Variants in SUSD6 observed in about 807,000 individuals in gnomAD.
The protein encoded by SUSD6 is sushi domain-containing protein 6.
SUSD6 carries 16 observed loss-of-function variants against 28.4 expected under a neutral mutation model. That is an observed-to-expected ratio of 0.56 (90% CI 0.38 to 0.86). The LOEUF is 0.86. SUSD6 is among the 40% of genes least tolerant of loss of function. The pLI is 0.00. For missense variants in SUSD6, 341 were observed against 384.2 expected, an observed-to-expected ratio of 0.89 and a Z score of 0.94; for synonymous variants, 147 against 159.6, an observed-to-expected ratio of 0.92 and a Z score of 0.59.
rs1332128546 is a variant in SUSD6 at position 69,623,788 on chromosome 14, AT to A, written c.-81+11966del. Among the ~76,000 whole-genome samples, 3 of 152,224 alleles carry A rather than the reference AT, an allele frequency of 2.0e-5. No individual in the cohort carries two copies. In the East Asian group the frequency reaches 5.8e-4, roughly 29 times the overall value. On this transcript the variant is annotated intron_variant, in intron 1 of 5. Transcript: ENST00000342745. ...TGTCTTAGTTTTTTAACAAAAAAAG[AT>A]TTTTTAAAATAGAAAATAGCTTATA... is the stretch of plus-strand genomic sequence containing the variant.
intron 2 of SUSD6, among the ~76,000 whole-genome samples, chr14:69,660,852 G>A (rs899757834): frequency 6.6e-6 from 1 of 152,236 alleles, no homozygotes; most frequent in Admixed American, 6.5e-5. Context: ...CTGCTTTTGT[G>A]CTGCAGTGGC....
chr14:69,681,508 G>A (rs1885996778), intron 2 of SUSD6, among the ~76,000 whole-genome samples: 1 of 152,252 alleles, frequency 6.6e-6, no homozygotes. Flanking sequence ...GCTGACGTAA[G>A]TGGCCTGCAG....
At chr14:69,624,130 C>A (rs1162119856) in intron 1 of SUSD6, among the ~76,000 whole-genome samples, 1 of 152,166 alleles carries the variant, frequency 6.6e-6, no homozygotes, top group Non-Finnish European at 1.5e-5. Flanking sequence ...CATTTTTTAT[C>A]TTTTATACCA....
At chr14:69,685,269 G>A (rs1886056645) in intron 2 of SUSD6, among the ~76,000 whole-genome samples, 1 of 152,204 alleles carries the variant, frequency 6.6e-6, no homozygotes. Context: ...CATGCATAGA[G>A]CCATGAGGCA....
At chr14:69,670,816 A>ATGG (rs769008938) in intron 2 of SUSD6, among the ~76,000 whole-genome samples, 10 of 152,346 alleles carry the variant, frequency 6.6e-5, no homozygotes, top group Non-Finnish European at 1.5e-4. Flanking sequence ...GGAAGAGAGT[A>ATGG]TGGTGTCTGC....
At chr14:69,695,447 A>G (rs1015802896) in intron 2 of SUSD6, among the ~76,000 whole-genome samples, 1 of 152,218 alleles carries the variant, frequency 6.6e-6, no homozygotes, top group African/African-American at 2.4e-5. Context: ...AGGCCCGCCA[A>G]CTTTAGACAA....
At chr14:69,674,567 C>T (rs1043554970) in intron 2 of SUSD6, among the ~76,000 whole-genome samples, 2 of 152,086 alleles carry the variant, frequency 1.3e-5, no homozygotes, top group Non-Finnish European at 2.9e-5. Context: ...CCAGAGCTCC[C>T]CACTCTTCCT....
rs1286854530 is a variant in SUSD6 at position 69,658,604 on chromosome 14, C to T, written c.12C>T (p.Gly4=). The change falls in exon 2 of 6, where the codon GGC becomes GGT. Residue 4 remains glycine, a synonymous_variant. Transcript: ENST00000342745. ...TGGACGGATAAAAGATGTGCCATGGCAGGATAGCACCAAAGAGCACCTCAG... is the reference window on the plus strand; with the variant it reads ...TGGACGGATAAAAGATGTGCCATGGTAGGATAGCACCAAAGAGCACCTCAG... The part of the protein sequence containing the change: MCH[G]RIAPKSTSVF... 6.2e-7 allele frequency: 1 copy of T among 1,614,116 alleles called. No individual in the cohort carries two copies. Among genetic ancestry groups the T allele is most frequent in the Non-Finnish European group, 8.5e-7 (1 of 1,179,984 alleles).
At chr14:69,686,000 G>A (rs1390248576) in intron 2 of SUSD6, among the ~76,000 whole-genome samples, 2 of 152,356 alleles carry the variant, frequency 1.3e-5, no homozygotes, top group East Asian at 3.9e-4. Context: ...ATGTGCTGCA[G>A]CGGTAACTTG....
chr14:69,695,304 T>C (rs771134397), intron 2 of SUSD6, among the ~76,000 whole-genome samples: 4 of 152,104 alleles, frequency 2.6e-5, no homozygotes, highest in Admixed American at 6.5e-5. Context: ...TCACCACAAG[T>C]CCACAGCAGG....
intron 1 of SUSD6, among the ~76,000 whole-genome samples, chr14:69,627,709 C>T (rs937582069): frequency 3.3e-5 from 5 of 152,122 alleles, no homozygotes; most frequent in Non-Finnish European, 5.9e-5. Context: ...CATGATCCGC[C>T]TGCCTCGGCC....
intron 2 of SUSD6, among the ~76,000 whole-genome samples, chr14:69,662,783 A>C (rs748235879): frequency 1.3e-5 from 2 of 152,234 alleles, no homozygotes; most frequent in Non-Finnish European, 2.9e-5. Context: ...GTATGACCTG[A>C]GGCAAATCAC....
intron 2 of SUSD6, among the ~76,000 whole-genome samples, chr14:69,696,935 C>T (rs1321678372): frequency 6.6e-6 from 1 of 152,180 alleles, no homozygotes; most frequent in African/African-American, 2.4e-5. Context: ...AGAATGGCTG[C>T]TGTATAGACA....
intron 2 of SUSD6, among the ~76,000 whole-genome samples, chr14:69,664,558 T>G (rs1885710703): frequency 6.6e-6 from 1 of 152,188 alleles, no homozygotes; most frequent in Non-Finnish European, 1.5e-5. Flanking sequence ...TGGGTCATTA[T>G]AGTTCTCGAT....
At chr14:69,698,140 C>G (rs932353003) in intron 2 of SUSD6, among the ~76,000 whole-genome samples, 3 of 152,328 alleles carry the variant, frequency 2.0e-5, no homozygotes. Context: ...CCAGCCTGGT[C>G]AACATGGTGA....
At chr14:69,703,714 C>T in intron 3 of SUSD6, 122 bp downstream of exon 3, 1 of 824,294 alleles carries the variant, frequency 1.2e-6, no homozygotes, top group South Asian at 1.6e-5. Context: ...CCAGTTGATG[C>T]TCTGCAGCCT....
chr14:69,614,307 T>A (rs553883615), intron 1 of SUSD6, among the ~76,000 whole-genome samples: 8 of 152,322 alleles, frequency 5.3e-5, no homozygotes, highest in African/African-American at 1.9e-4. Flanking sequence ...CCTCAGGTGA[T>A]CTGCCCGTCT....
chr14:69,635,595 C>CCACACACACACACACACA (rs3048696), intron 1 of SUSD6, among the ~76,000 whole-genome samples: 42 of 143,614 alleles, frequency 2.9e-4, no homozygotes, highest in Non-Finnish European at 5.2e-4. Flanking sequence ...CCAAGGCACA[C>CCACACACACACACACACA]CACACACACA....
chr14:69,683,017 A>G (rs1886021169), intron 2 of SUSD6, among the ~76,000 whole-genome samples: 2 of 123,486 alleles, frequency 1.6e-5, no homozygotes, highest in South Asian at 4.9e-4. Flanking sequence ...TTGCTTCATC[A>G]TTTCCCAAAA....
Sources: gnomAD v4.1 joint callset for allele counts (sites outside exome capture counted in the v4.1 genomes callset) on GRCh38, gnomAD v4.1.1 for gene constraint, MANE v1.5 for transcripts, NCBI Gene and HGNC (gene_info 2026-07-23, HGNC 2026-07-21) for gene names.